The following PMS1 variants were observed in gnomAD, a reference collection of about 807,000 sequenced individuals.
PMS1 encodes the protein PMS1 homolog 1, mismatch repair system component.
In PMS1, 79 loss-of-function variants were observed where a neutral mutation model predicts 93.1. The ratio of observed to expected loss-of-function variants is 0.85; its 90% CI spans 0.71 to 1.02. PMS1 has a LOEUF of 1.02. Among genes scored for constraint, PMS1 ranks in the 50% least tolerant of loss-of-function variants. The probability of loss-of-function intolerance (pLI) is 0.00; values close to 1 mark genes in which losing one functional copy is unlikely to be tolerated. For synonymous variants in PMS1, 335 were observed against 363.4 expected (o/e 0.92, Z 0.89); for missense variants, 1,064 against 1,085.3 (o/e 0.98, Z 0.28).
intron 11 of PMS1, 87 bp downstream of exon 11, chr2:189,868,016 T>A: frequency 8.7e-7 from 1 of 1,144,674 alleles, no homozygotes; most frequent in Non-Finnish European, 1.3e-6. Flanking sequence ...TTTACAGATA[T>A]GGTGGTATAT....
At chr2:189,848,093 A>C (rs1337456735) in intron 6 of PMS1, among the ~76,000 whole-genome samples, 2 of 152,138 alleles carry the variant, frequency 1.3e-5, no homozygotes, top group Admixed American at 1.3e-4. Context: ...TGCTACTTCA[A>C]ACTGGTTACG....
chr2:189,817,275 A>G (rs922066023), intron 4 of PMS1, among the ~76,000 whole-genome samples: 5 of 152,238 alleles, frequency 3.3e-5, no homozygotes, highest in Non-Finnish European at 7.3e-5. Context: ...CTGTACATTC[A>G]TAAGAATCAC....
intron 1 of PMS1, 104 bp from the exon 2 acceptor site, chr2:189,791,686 G>A (rs2048884346): frequency 1.3e-6 from 1 of 756,698 alleles, no homozygotes; most frequent in Non-Finnish European, 2.3e-6. Flanking sequence ...CATACAGTAA[G>A]TCTCAGTGAA....
intron 3 of PMS1, among the ~76,000 whole-genome samples, chr2:189,797,350 AG>A (rs1330377454): frequency 6.6e-6 from 1 of 152,222 alleles, no homozygotes; most frequent in Non-Finnish European, 1.5e-5. Flanking sequence ...TCACTTGCAT[AG>A]TACCAATTAT....
At chr2:189,824,695 C>T (rs1159467510) in intron 5 of PMS1, among the ~76,000 whole-genome samples, 3 of 151,962 alleles carry the variant, frequency 2.0e-5, no homozygotes, top group African/African-American at 7.2e-5. Context: ...TTTTAAAAGT[C>T]TTTTTGTAAA....
At chr2:189,820,005 T>C (rs1416551114) in intron 5 of PMS1, among the ~76,000 whole-genome samples, 3 of 152,222 alleles carry the variant, frequency 2.0e-5, no homozygotes, top group Non-Finnish European at 4.4e-5. Context: ...AAATTTCACA[T>C]GGGTATCCTG....
chr2:189,821,910 A>G (rs1287707657), intron 5 of PMS1, among the ~76,000 whole-genome samples: 2 of 152,216 alleles, frequency 1.3e-5, no homozygotes, highest in African/African-American at 4.8e-5. Context: ...TTCTTATTTC[A>G]AGTCAAATAT....
chr2:189,877,301 A>G lies in PMS1; in HGVS notation c.2664A>G (p.Leu888=). The G allele has an allele frequency of 6.2e-7, 1 of 1,613,498 alleles. No homozygotes were observed. The highest frequency in any genetic ancestry group is 1.1e-5 in the South Asian group (1 of 90,994). Residue 888 remains leucine, a synonymous_variant, in exon 13 of 13, where the codon TTA becomes TTG. Coordinates refer to ENST00000441310, the MANE Select transcript of PMS1 (RefSeq NM_000534.5). The part of the protein sequence containing the change: ...EGEAVRLSRQ[L]PMYLSKEDIQ... ...AAGCAGTGCGTCTATCCAGACAATT[A>G]CCCATGTACTTATCAAAAGAGGACA...
At chr2:189,819,167 C>G (rs902447756) in intron 5 of PMS1, among the ~76,000 whole-genome samples, 1 of 152,324 alleles carries the variant, frequency 6.6e-6, no homozygotes, top group East Asian at 1.9e-4. Flanking sequence ...CTGAGTTTCA[C>G]TTAAGATAAT....
intron 9 of PMS1, among the ~76,000 whole-genome samples, chr2:189,855,673 A>T (rs2055244850): frequency 6.6e-6 from 1 of 152,040 alleles, no homozygotes. Context: ...TCTAAGATGT[A>T]TTATTTATTA....
At chr2:189,831,836 C>A (rs920809795) in intron 5 of PMS1, among the ~76,000 whole-genome samples, 2 of 151,926 alleles carry the variant, frequency 1.3e-5, no homozygotes, top group African/African-American at 4.8e-5. Flanking sequence ...GGGTGGAGTG[C>A]AGTGGCATGA....
chr2:189,853,499 G>GCTTTT (rs201322417), intron 7 of PMS1, among the ~76,000 whole-genome samples: 20 of 150,258 alleles, frequency 1.3e-4, no homozygotes, highest in South Asian at 1.0e-3. Flanking sequence ...TACAGATAAT[G>GCTTTT]CTTTTCTTTT....
chr2:189,863,724 A>G lies in PMS1; in HGVS notation c.1857-19A>G. 1.3e-6 allele frequency: 2 copies of G among 1,541,634 alleles called. No homozygotes were observed. Among genetic ancestry groups the G allele is most frequent in the South Asian group, 2.2e-5 (2 of 88,976 alleles). ...TTCTGATTATGATCTCATTAGTTCT[A>G]TTTTATTTCTATTCTTAGATATGAA... On this transcript the variant is annotated intron_variant, in intron 9 of 12. Transcript: ENST00000441310.
intron 4 of PMS1, among the ~76,000 whole-genome samples, chr2:189,810,460 A>G (rs1241966170): frequency 1.3e-5 from 2 of 152,208 alleles, no homozygotes; most frequent in African/African-American, 4.8e-5. Flanking sequence ...TAAAGGAACA[A>G]GTCTTCTACA....
intron 5 of PMS1, among the ~76,000 whole-genome samples, chr2:189,820,450 A>G (rs764190085): frequency 5.3e-5 from 8 of 151,988 alleles, no homozygotes; most frequent in Non-Finnish European, 1.0e-4. Context: ...CATGTGTACC[A>G]CCATGCCTGG....
chr2:189,875,143 T>C (rs778968011), intron 12 of PMS1, among the ~76,000 whole-genome samples: 1 of 150,990 alleles, frequency 6.6e-6, no homozygotes, highest in Non-Finnish European at 1.5e-5. Context: ...GATGTAAAAG[T>C]CAAGGAAGGA....
chr2:189,850,731 G>T (rs1008897080), intron 6 of PMS1, among the ~76,000 whole-genome samples: 1 of 152,106 alleles, frequency 6.6e-6, no homozygotes, highest in Non-Finnish European at 1.5e-5. Flanking sequence ...AAGACCAAAG[G>T]AGAAGGATGA....
chr2:189,803,684 G>A (rs1455389614), intron 3 of PMS1, among the ~76,000 whole-genome samples: 2 of 152,212 alleles, frequency 1.3e-5, no homozygotes, highest in Non-Finnish European at 2.9e-5. Flanking sequence ...GTCATATGAT[G>A]AAACAAACTC....
At chr2:189,836,965 T>A (rs1233249) in intron 5 of PMS1, among the ~76,000 whole-genome samples, 5 of 152,208 alleles carry the variant, frequency 3.3e-5, no homozygotes, top group African/African-American at 1.2e-4. Context: ...TATCTGTATC[T>A]AAGGCATCTA....
Sources: allele counts gnomAD v4.1 joint callset (sites outside exome capture counted in the v4.1 genomes callset), GRCh38; gene constraint gnomAD v4.1.1; transcripts MANE v1.5; gene names NCBI Gene and HGNC (gene_info 2026-07-23, HGNC 2026-07-21).